QSER1: variants seen among roughly 807,000 people sequenced by gnomAD.
QSER1 encodes the protein glutamine and serine-rich protein 1.
In QSER1, 49 loss-of-function variants were observed where a neutral mutation model predicts 158.5. That is an observed-to-expected ratio of 0.31 (90% CI 0.25 to 0.39). The LOEUF (loss-of-function observed/expected upper bound fraction) is 0.39. QSER1 is among the 10% of genes least tolerant of loss of function. The pLI is 1.00. For synonymous variants in QSER1, 650 were observed against 715.5 expected, an observed-to-expected ratio of 0.91 and a Z score of 1.46; for missense variants, 1,754 against 2,010.3, an observed-to-expected ratio of 0.87 and a Z score of 2.44.
At chr11:32,941,499 G>C (rs1163229643) in intron 4 of QSER1, among the ~76,000 whole-genome samples, 1 of 150,236 alleles carries the variant, frequency 6.7e-6, no homozygotes, top group Non-Finnish European at 1.5e-5. Context: ...TTTTGTTCTT[G>C]CGATAGTTTA....
Position 32,939,948 on chromosome 11 carries a change from A to ATT in QSER1, c.4177+4533_4177+4534dup, listed in dbSNP as rs35359579. Among the ~76,000 whole-genome samples the ATT allele has an allele frequency of 8.0e-3, 993 of 124,334 alleles. 7 individuals carry two copies. The highest frequency in any genetic ancestry group is 0.015 in the African/African-American group (507 of 33,216). 81.6% of individuals were successfully genotyped at this position (124,334 alleles called of 152,430 possible). Reference sequence around the variant, plus strand: ...CTAGTCTGTTGCCTAGAAGACTGAGATTTTTTTTTTTTTTTTTTTTTGAGA... The same window carrying ATT: ...CTAGTCTGTTGCCTAGAAGACTGAGATTTTTTTTTTTTTTTTTTTTTTTGAGA... On this transcript the variant is annotated intron_variant, in intron 4 of 12. Transcript: ENST00000650167.
At chr11:32,947,004 C>T (rs978545137) in intron 4 of QSER1, among the ~76,000 whole-genome samples, 1 of 152,218 alleles carries the variant, frequency 6.6e-6, no homozygotes, top group Non-Finnish European at 1.5e-5. Flanking sequence ...AGGTGCCGTC[C>T]GTCACCCCTT....
At chr11:32,950,747 G>A (rs1852408167) in intron 4 of QSER1, among the ~76,000 whole-genome samples, 1 of 152,154 alleles carries the variant, frequency 6.6e-6, no homozygotes, top group South Asian at 2.1e-4. Context: ...TATTTGGGAT[G>A]TTTCATGTAA....
chr11:32,924,555 T>C (rs1431668692), intron 1 of QSER1, among the ~76,000 whole-genome samples: 6 of 129,566 alleles, frequency 4.6e-5, no homozygotes, highest in Non-Finnish European at 9.6e-5. Flanking sequence ...AGTGAGACCC[T>C]GTCTCAAAAA....
At chr11:32,965,259 A>G (rs1179569309) in intron 8 of QSER1, among the ~76,000 whole-genome samples, 1 of 151,878 alleles carries the variant, frequency 6.6e-6, no homozygotes, top group Non-Finnish European at 1.5e-5. Context: ...ATAGTGGTAC[A>G]TGCCACCACA....
chr11:32,953,464 G>A (rs181595096), intron 4 of QSER1, among the ~76,000 whole-genome samples: 87 of 151,890 alleles, frequency 5.7e-4, no homozygotes, highest in Non-Finnish European at 9.1e-4. Flanking sequence ...AGCAATTTTC[G>A]CATCTCATCC....
At chr11:32,894,574 C>T (rs1851531245) in intron 1 of QSER1, among the ~76,000 whole-genome samples, 1 of 152,168 alleles carries the variant, frequency 6.6e-6, no homozygotes, top group Non-Finnish European at 1.5e-5. Flanking sequence ...GAAAGTTCTA[C>T]GTTCATGATT....
At chr11:32,958,204 A>T (rs566654677) in intron 8 of QSER1, 118 bp downstream of exon 8, 1 of 847,136 alleles carries the variant, frequency 1.2e-6, no homozygotes, top group African/African-American at 1.7e-5. Flanking sequence ...TCTACCTAAT[A>T]AATTCTGTTT....
intron 10 of QSER1, 131 bp downstream of exon 10, chr11:32,969,274 T>C (rs925075379): frequency 3.1e-5 from 19 of 617,264 alleles, no homozygotes; most frequent in Non-Finnish European, 4.2e-5. Context: ...TTTTATTCAT[T>C]GTAAGTCCAT....
intron 8 of QSER1, among the ~76,000 whole-genome samples, chr11:32,964,761 C>CAT (rs1852704786): frequency 1.4e-5 from 2 of 141,126 alleles, no homozygotes; most frequent in Non-Finnish European, 3.0e-5. Flanking sequence ...CACACACACA[C>CAT]ACACACACAC....
intron 1 of QSER1, among the ~76,000 whole-genome samples, chr11:32,911,999 T>C (rs938606741): frequency 2.6e-5 from 4 of 152,212 alleles, no homozygotes; most frequent in Non-Finnish European, 5.9e-5. Flanking sequence ...ATTTTGGTCA[T>C]ATGTGTAAAG....
chr11:32,925,964 A>C (rs1434467929), intron 1 of QSER1: 1 of 152,220 alleles, frequency 6.6e-6, no homozygotes, highest in African/African-American at 2.4e-5. Context: ...GTGGTGGCTC[A>C]TGTCTGTAGT....
At chr11:32,939,585 T>C (rs1852199976) in intron 4 of QSER1, among the ~76,000 whole-genome samples, 1 of 152,112 alleles carries the variant, frequency 6.6e-6, no homozygotes, top group Non-Finnish European at 1.5e-5. Flanking sequence ...AGAATATTGA[T>C]TTATTTTGTT....
rs1852991434 is a variant in QSER1, at chr11:32,977,121, A to C, written c.*647A>C. The C allele has an allele frequency of 6.6e-6, 1 of 152,640 alleles. No homozygotes were observed. The highest frequency in any genetic ancestry group is 2.4e-5 in the African/African-American group (1 of 41,454). 9.5% of individuals were successfully genotyped at this position (152,640 alleles called of 1,614,324 possible). A position where few individuals can be genotyped will look rare whatever the true frequency, so the allele number is the denominator to read the frequency against. On this transcript the variant is annotated 3_prime_UTR_variant, in exon 13 of 13. Coordinates refer to ENST00000650167, the MANE Select transcript of QSER1 (RefSeq NM_001076786.3). The stretch of plus-strand genomic sequence containing the variant: ...TATTGTGATAAAAAAACAATGACAT[A>C]CTATTTTCCCTATCGCAAAGAAAAG...
chr11:32,968,909 A>T, intron 9 of QSER1, 137 bp from the exon 10 acceptor site: 1 of 535,248 alleles, frequency 1.9e-6, no homozygotes, highest in Non-Finnish European at 3.2e-6. Flanking sequence ...TTCATGTCCA[A>T]TTTTTTTGCA....
chr11:32,966,261 G>A (rs977698569), intron 8 of QSER1, 39 bp from the exon 9 acceptor site: 1 of 1,591,856 alleles, frequency 6.3e-7, no homozygotes, highest in South Asian at 1.1e-5. Flanking sequence ...AAAATTGTCA[G>A]GAAGGAAAAT....
At chr11:32,913,938 A>G (rs903479253) in intron 1 of QSER1, among the ~76,000 whole-genome samples, 1 of 152,188 alleles carries the variant, frequency 6.6e-6, no homozygotes, top group Admixed American at 6.5e-5. Context: ...AGTTGTTTCA[A>G]AGTTCCCTCG....
chr11:32,911,600 C>T (rs976089972), intron 1 of QSER1, among the ~76,000 whole-genome samples: 2 of 152,064 alleles, frequency 1.3e-5, no homozygotes, highest in African/African-American at 2.4e-5. Context: ...GTGGTTTCCA[C>T]CATGCTGTTC....
rs1215614673 is a variant in QSER1 at position 32,928,845 on chromosome 11, A to AT, written c.484+730dup. 3.3e-5 allele frequency among the ~76,000 whole-genome samples: 5 copies of AT among 151,886 alleles called. No homozygotes were observed. In the East Asian group the frequency reaches 5.8e-4, roughly 18 times the overall value. On this transcript the variant is annotated intron_variant, in intron 3 of 12. Coordinates refer to ENST00000650167, the MANE Select transcript of QSER1 (RefSeq NM_001076786.3). The stretch of plus-strand genomic sequence containing the variant: ...AAGTTTCTCAGTTTGCCTTAGCAAC[A>AT]TTTTTTTTCCTGCTTCTAAGGGGAT...
Sources: allele counts gnomAD v4.1 joint callset (sites outside exome capture counted in the v4.1 genomes callset), GRCh38; gene constraint gnomAD v4.1.1; transcripts MANE v1.5; gene names NCBI Gene and HGNC (gene_info 2026-07-23, HGNC 2026-07-21).